The following CACNA1D variants were observed in gnomAD, a reference collection of about 807,000 sequenced individuals.
The protein encoded by CACNA1D is calcium voltage-gated channel subunit alpha1 D, also known as voltage-dependent L-type calcium channel subunit alpha-1D.
A neutral mutation model predicts 257.1 loss-of-function variants in CACNA1D; 55 were observed. The observed-to-expected ratio is 0.21, with a 90% confidence interval of 0.17 to 0.27. CACNA1D has a LOEUF of 0.27. Ranked by LOEUF, CACNA1D falls within the 10% of genes least tolerant of loss-of-function variation. CACNA1D has a pLI of 1.00. For missense variants in CACNA1D, 1,876 were observed against 2,784.0 expected (o/e 0.67, Z 7.34); for synonymous variants, 980 against 1,014.9 (o/e 0.97, Z 0.65).
intron 9 of CACNA1D, among the ~76,000 whole-genome samples, chr3:53,716,785 G>T (rs1374414419): frequency 6.6e-6 from 1 of 152,138 alleles, no homozygotes; most frequent in African/African-American, 2.4e-5. Flanking sequence ...AGGCTCCCAT[G>T]CAGGCAGGCT....
intron 22 of CACNA1D, 94 bp downstream of exon 22, chr3:53,743,211 A>G (rs935798652): frequency 1.8e-5 from 14 of 798,378 alleles, no homozygotes; most frequent in African/African-American, 5.1e-5. Context: ...CATCATTTTC[A>G]TGATTATATT....
At chr3:53,546,540 G>T (rs1226072994) in intron 3 of CACNA1D, among the ~76,000 whole-genome samples, 2 of 152,134 alleles carry the variant, frequency 1.3e-5, no homozygotes, top group South Asian at 4.1e-4. Context: ...CTTCTGAAAG[G>T]CCATAAGAGT....
chr3:53,728,839 T>G (rs2094960904), intron 15 of CACNA1D, among the ~76,000 whole-genome samples: 1 of 152,242 alleles, frequency 6.6e-6, no homozygotes, highest in Non-Finnish European at 1.5e-5. Context: ...TTGGAGGTAC[T>G]TGGTAGATCT....
chr3:53,710,820 A>G (rs991389218), intron 9 of CACNA1D, among the ~76,000 whole-genome samples: 4 of 152,286 alleles, frequency 2.6e-5, no homozygotes, highest in African/African-American at 7.2e-5. Context: ...AGAAATTCCA[A>G]TAATGTTATT....
At chr3:53,579,664 C>G (rs2093097398) in intron 3 of CACNA1D, among the ~76,000 whole-genome samples, 1 of 152,190 alleles carries the variant, frequency 6.6e-6, no homozygotes. Flanking sequence ...ATCAAGGTTG[C>G]TCTGAACTGA....
At chr3:53,659,001 C>T (rs6762018) in intron 4 of CACNA1D, among the ~76,000 whole-genome samples, 9,306 of 152,226 alleles carry the variant, frequency 0.061, 930 homozygotes, top group African/African-American at 0.21. Flanking sequence ...TCCAGAGGCA[C>T]GCCAGTGGGG....
At position 53,641,711 on chromosome 3, in the gene CACNA1D, A is replaced by G. The variant is rs941111680; in HGVS notation, c.484-9068A>G. Among the ~76,000 whole-genome samples, 4 of 152,230 alleles carry G rather than the reference A, an allele frequency of 2.6e-5. No homozygotes were observed. The East Asian group carries it at 7.7e-4, about 29-fold the overall frequency. On this transcript the variant is annotated intron_variant, in intron 3 of 47. Transcript: ENST00000350061. ...GCGTCAAGTTTACAAGAGTGTGCACAGCACAGGAAACCAGTTGAAATTGAA... is the reference window on the plus strand; with the variant it reads ...GCGTCAAGTTTACAAGAGTGTGCACGGCACAGGAAACCAGTTGAAATTGAA...
rs2095382101 is a variant in CACNA1D, at chr3:53,774,013, G to A, written c.4111-574G>A. The A allele has an allele frequency of 6.4e-6, 1 of 155,426 alleles. No homozygotes were observed. The highest frequency in any genetic ancestry group is 1.4e-5 in the Non-Finnish European group (1 of 70,038). The allele number at this position is 155,426 out of a possible 1,614,324, so 9.6% of individuals were successfully genotyped here. A position where few individuals can be genotyped will look rare whatever the true frequency, so the allele number is the denominator to read the frequency against. ...AGATAAAGCCCACTCTTCTGCCCGG[G>A]GCTCACAGCCCCTGCCTGTTGCCTC... On this transcript the variant is annotated intron_variant, in intron 33 of 47. Coordinates refer to ENST00000350061, the MANE Select transcript of CACNA1D (RefSeq NM_001128840.3). The surrounding 1 kb of genome is among the most constrained non-coding windows in gnomAD (Gnocchi z 4.3).
chr3:53,538,341 G>A (rs138041454), intron 3 of CACNA1D, among the ~76,000 whole-genome samples: 1 of 152,010 alleles, frequency 6.6e-6, no homozygotes, highest in Admixed American at 6.5e-5. Flanking sequence ...ATTTTTAATA[G>A]AGATGGGGTT....
chr3:53,740,431 G>A (rs1385504050), intron 21 of CACNA1D, 92 bp downstream of exon 21: 17 of 853,620 alleles, frequency 2.0e-5, no homozygotes, highest in South Asian at 4.0e-5. Context: ...GCTAGGTTAC[G>A]CAGACTATGT....
chr3:53,672,877 G>A, intron 7 of CACNA1D, 146 bp from the exon 8 acceptor site: 1 of 581,826 alleles, frequency 1.7e-6, no homozygotes. Flanking sequence ...GGCTGCTGTT[G>A]TCTCTGATTT....
chr3:53,514,531 G>A (rs2091258940), intron 3 of CACNA1D, among the ~76,000 whole-genome samples: 1 of 152,168 alleles, frequency 6.6e-6, no homozygotes, highest in Admixed American at 6.5e-5. Context: ...ACTGGGTCAA[G>A]CCCTTTCTGC....
At position 53,813,128 on chromosome 3, in the gene CACNA1D, AAT is replaced by A. The variant is rs2095607897; in HGVS notation, c.*1723_*1724del. 1.1e-5 allele frequency: 1 copy of A among 92,116 alleles called. No homozygotes were observed. The highest frequency in any genetic ancestry group is 2.0e-5 in the Non-Finnish European group (1 of 50,304). 5.7% of individuals were successfully genotyped at this position (92,116 alleles called of 1,614,324 possible). A position where few individuals can be genotyped will look rare whatever the true frequency, so the allele number is the denominator to read the frequency against. ...TTTAATAGTATACAGACAACCTGTT[AAT>A]TTTTTTTTTTTTTTTTTTTTTTGTA... On this transcript the variant is annotated 3_prime_UTR_variant, in exon 48 of 48. Transcript: ENST00000350061.
chr3:53,802,228 T>C (rs1260045571), intron 43 of CACNA1D, 55 bp downstream of exon 43: 15 of 1,368,260 alleles, frequency 1.1e-5, no homozygotes, highest in Non-Finnish European at 1.6e-5. Context: ...TGTTACCAGC[T>C]GGCCTCTCTG....
At chr3:53,746,808 G>A (rs578108038) in intron 25 of CACNA1D, among the ~76,000 whole-genome samples, 16 of 152,282 alleles carry the variant, frequency 1.1e-4, no homozygotes, top group Non-Finnish European at 2.4e-4. Flanking sequence ...TGAAGTTCTG[G>A]GAGAAATAAT....
intron 3 of CACNA1D, among the ~76,000 whole-genome samples, chr3:53,536,942 C>G (rs1392903042): frequency 1.3e-5 from 2 of 152,178 alleles, no homozygotes; most frequent in African/African-American, 4.8e-5. Flanking sequence ...TGAAGTTCAG[C>G]TTTTAACTTT....
At chr3:53,781,818 G>C in intron 39 of CACNA1D, 151 bp downstream of exon 39, 1 of 692,450 alleles carries the variant, frequency 1.4e-6, no homozygotes. Context: ...TTGGCCATTT[G>C]GTGTGATTAT....
intron 3 of CACNA1D, among the ~76,000 whole-genome samples, chr3:53,516,626 G>A (rs569433409): frequency 6.6e-6 from 1 of 152,346 alleles, no homozygotes; most frequent in African/African-American, 2.4e-5. Flanking sequence ...TACAGTGTGA[G>A]GACTCGGGTT....
chr3:53,675,691 T>G (rs2094368698), intron 8 of CACNA1D, among the ~76,000 whole-genome samples: 1 of 151,920 alleles, frequency 6.6e-6, no homozygotes, highest in Non-Finnish European at 1.5e-5. Context: ...AGCTGGAGGA[T>G]AAAAAAGGTA....
Sources: allele counts gnomAD v4.1 joint callset (sites outside exome capture counted in the v4.1 genomes callset), GRCh38; gene constraint gnomAD v4.1.1; non-coding constraint Gnocchi (gnomAD v3.1); transcripts MANE v1.5; gene names NCBI Gene and HGNC (gene_info 2026-07-23, HGNC 2026-07-21).